The following MCF2L2 variants were observed in gnomAD, a reference collection of about 807,000 sequenced individuals.
The protein encoded by MCF2L2 is probable guanine nucleotide exchange factor MCF2L2.
MCF2L2 carries 102 observed loss-of-function variants against 150.2 expected under a neutral mutation model. That is an observed-to-expected ratio of 0.68 (90% CI 0.58 to 0.80). The LOEUF (loss-of-function observed/expected upper bound fraction) is 0.80, where lower values mean the gene tolerates loss of function less well. Among genes scored for constraint, MCF2L2 ranks in the 30% least tolerant of loss-of-function variants. The pLI, the probability that MCF2L2 is intolerant of heterozygous loss-of-function variation, is 0.00. For missense variants in MCF2L2, 1,256 were observed against 1,372.8 expected, an observed-to-expected ratio of 0.91 and a Z score of 1.34; for synonymous variants, 465 against 491.3, an observed-to-expected ratio of 0.95 and a Z score of 0.71.
intron 3 of MCF2L2, among the ~76,000 whole-genome samples, chr3:183,355,625 T>A (rs993130194): frequency 6.9e-6 from 1 of 144,926 alleles, no homozygotes; most frequent in African/African-American, 2.6e-5. Context: ...TTTTTTTTTT[T>A]TTTTTTTTTT....
chr3:183,380,221 T>C (rs1466888276), intron 2 of MCF2L2, among the ~76,000 whole-genome samples: 1 of 152,074 alleles, frequency 6.6e-6, no homozygotes, highest in Non-Finnish European at 1.5e-5. Context: ...CATGGAGCCA[T>C]TTGACTAAGT....
intron 10 of MCF2L2, among the ~76,000 whole-genome samples, chr3:183,300,659 G>A (rs1278633753): frequency 6.6e-6 from 1 of 152,136 alleles, no homozygotes; most frequent in Non-Finnish European, 1.5e-5. Context: ...GGGGTGAGCT[G>A]AAGTTGAAAC....
At chr3:183,180,020 A>C (rs759216272) in intron 28 of MCF2L2, 51 bp downstream of exon 28, 4 of 1,396,450 alleles carry the variant, frequency 2.9e-6, no homozygotes, top group Non-Finnish European at 4.1e-6. Context: ...GGAGGAGCTG[A>C]TGAATAGGAA....
At chr3:183,307,259 C>T (rs1729143708) in intron 10 of MCF2L2, among the ~76,000 whole-genome samples, 1 of 152,118 alleles carries the variant, frequency 6.6e-6, no homozygotes, top group Non-Finnish European at 1.5e-5. Context: ...TGTGGCCAGA[C>T]ACAGTCTTGT....
Position 183,179,129 on chromosome 3 carries a change from A to C in MCF2L2, c.*251T>G. On this transcript the variant is annotated 3_prime_UTR_variant, in exon 30 of 30. Transcript: ENST00000328913. This position sits in a 1 kb window ranked among gnomAD's most constrained non-coding sequence, Gnocchi z 4.2. Reference sequence around the variant, plus strand: ...CCGAATATCGAAGTGCGCGGTCGAGAAGGCGTGGGCTGCGGGCTCTGCTCG... The same window carrying C: ...CCGAATATCGAAGTGCGCGGTCGAGCAGGCGTGGGCTGCGGGCTCTGCTCG... The C allele has an allele frequency of 2.5e-6, 1 of 403,578 alleles. No individual in the cohort carries two copies. Among genetic ancestry groups the C allele is most frequent in the South Asian group, 1.2e-4 (1 of 8,668 alleles). 25.0% of individuals were successfully genotyped at this position (403,578 alleles called of 1,614,324 possible). A position where few individuals can be genotyped will look rare whatever the true frequency, so the allele number is the denominator to read the frequency against.
At chr3:183,295,157 C>T in intron 13 of MCF2L2, 143 bp downstream of exon 13, 1 of 771,100 alleles carries the variant, frequency 1.3e-6, no homozygotes, top group Admixed American at 3.2e-5. Flanking sequence ...TCTTCCATGT[C>T]TGCACTATGC....
At chr3:183,294,983 G>A (rs1341572736) in intron 13 of MCF2L2, among the ~76,000 whole-genome samples, 2 of 151,434 alleles carry the variant, frequency 1.3e-5, no homozygotes, top group East Asian at 3.9e-4. Context: ...GGCTGGTCTC[G>A]AATTCCTGAC....
intron 27 of MCF2L2, among the ~76,000 whole-genome samples, chr3:183,187,615 T>C (rs1576906764): frequency 1.3e-5 from 2 of 152,122 alleles, no homozygotes; most frequent in African/African-American, 4.8e-5. Context: ...ACGACAGGCA[T>C]GCGCCACCAC....
intron 27 of MCF2L2, among the ~76,000 whole-genome samples, chr3:183,186,787 A>G (rs1287605953): frequency 6.6e-6 from 1 of 152,034 alleles, no homozygotes; most frequent in Non-Finnish European, 1.5e-5. Context: ...AAGCTCCTGG[A>G]TATCAAGTGA....
chr3:183,319,052 G>A (rs1729708355), intron 6 of MCF2L2, among the ~76,000 whole-genome samples: 1 of 152,182 alleles, frequency 6.6e-6, no homozygotes, highest in African/African-American at 2.4e-5. Flanking sequence ...TCTGTAGCAT[G>A]CGAAACTGTT....
intron 1 of MCF2L2, among the ~76,000 whole-genome samples, chr3:183,407,655 T>G (rs955042984): frequency 1.3e-5 from 2 of 152,216 alleles, no homozygotes; most frequent in Non-Finnish European, 2.9e-5. Flanking sequence ...CCCAAGGCAC[T>G]GAGGGAGAAA....
At chr3:183,232,885 A>C (rs1723623379) in intron 15 of MCF2L2, among the ~76,000 whole-genome samples, 1 of 152,242 alleles carries the variant, frequency 6.6e-6, no homozygotes, top group Non-Finnish European at 1.5e-5. Context: ...AAAATGTGTA[A>C]ATTTGTGCAA....
chr3:183,212,456 G>A (rs112164149), intron 22 of MCF2L2, among the ~76,000 whole-genome samples: 13 of 152,196 alleles, frequency 8.5e-5, no homozygotes, highest in African/African-American at 3.1e-4. Flanking sequence ...GGCCTCCTCT[G>A]TACAAGAAGT....
chr3:183,278,560 C>T (rs895727728), intron 14 of MCF2L2, among the ~76,000 whole-genome samples: 3 of 152,170 alleles, frequency 2.0e-5, no homozygotes, highest in African/African-American at 7.2e-5. Context: ...CATTACTATG[C>T]CTGAATTCCC....
rs543575415 is a variant in MCF2L2, at chr3:183,270,512, C to T, written c.1862+6360G>A. On this transcript the variant is annotated intron_variant, in intron 15 of 29. Transcript: ENST00000328913. This position sits in a 1 kb window ranked among gnomAD's most constrained non-coding sequence, Gnocchi z 4.5. ...TTAGAGATAAAAGCAGCAAATACTA[C>T]GTGTCCTATGAAATGTACCAGTGGC... 3.7e-5 allele frequency: 59 copies of T among 1,614,150 alleles called. No homozygotes were observed. Among genetic ancestry groups the T allele is most frequent in the Non-Finnish European group, 4.6e-5 (54 of 1,180,016 alleles).
chr3:183,289,326 T>G lies in MCF2L2; in HGVS notation c.1676-106A>C, dbSNP rs548974592. The G allele has an allele frequency of 1.6e-5, 12 of 728,398 alleles. No homozygotes were observed. In the African/African-American group the frequency reaches 2.1e-4, roughly 13 times the overall value. The allele number at this position is 728,398 out of a possible 1,614,324, so 45.1% of individuals were successfully genotyped here. ...TGGACCACGTCAATGTGGCTAACTA[T>G]AAAAGCTCACTTGAGCTGCTGCGTT... On this transcript the variant is annotated intron_variant, in intron 13 of 29. Coordinates refer to ENST00000328913, the MANE Select transcript of MCF2L2 (RefSeq NM_015078.4).
chr3:183,268,513 G>GGGGGC (rs1726379922), intron 15 of MCF2L2, among the ~76,000 whole-genome samples: 1 of 152,136 alleles, frequency 6.6e-6, no homozygotes. Flanking sequence ...AGAAAATGGG[G>GGGGGC]GGGGCGGTTC....
intron 5 of MCF2L2, among the ~76,000 whole-genome samples, chr3:183,327,217 T>C (rs919203749): frequency 2.6e-5 from 4 of 151,748 alleles, no homozygotes; most frequent in African/African-American, 4.8e-5. Context: ...CCCAGCTACT[T>C]GGGAGGCTGA....
intron 15 of MCF2L2, among the ~76,000 whole-genome samples, chr3:183,240,219 C>G (rs904291154): frequency 6.6e-6 from 1 of 152,210 alleles, no homozygotes; most frequent in Non-Finnish European, 1.5e-5. Flanking sequence ...TGCAGACCAC[C>G]AGGCTACGCC....
Sources: gnomAD v4.1 joint callset for allele counts (sites outside exome capture counted in the v4.1 genomes callset) on GRCh38, gnomAD v4.1.1 for gene constraint, Gnocchi (gnomAD v3.1) non-coding constraint, MANE v1.5 for transcripts, NCBI Gene and HGNC (gene_info 2026-07-23, HGNC 2026-07-21) for gene names.